Variants in INPP5D observed in about 807,000 individuals in gnomAD.
INPP5D encodes the protein inositol polyphosphate-5-phosphatase D.
INPP5D carries 33 observed loss-of-function variants against 122.9 expected under a neutral mutation model. That is an observed-to-expected ratio of 0.27 (90% confidence interval 0.20 to 0.36). The LOEUF (loss-of-function observed/expected upper bound fraction) is 0.36, where lower values mean the gene tolerates loss of function less well. Among genes scored for constraint, INPP5D ranks in the 10% least tolerant of loss-of-function variants. The pLI is 1.00. For missense variants in INPP5D, 1,053 were observed against 1,412.7 expected, an observed-to-expected ratio of 0.75 and a Z score of 4.08; for synonymous variants, 584 against 576.2, an observed-to-expected ratio of 1.01 and a Z score of -0.19.
intron 20 of INPP5D, among the ~76,000 whole-genome samples, chr2:233,184,865 G>C (rs1694869173): frequency 6.6e-6 from 1 of 152,060 alleles, no homozygotes; most frequent in Admixed American, 6.6e-5. Context: ...GAGAGTGTTG[G>C]GCCCAGGTCC....
chr2:233,104,272 C>A (rs1692405442), intron 2 of INPP5D, among the ~76,000 whole-genome samples: 1 of 152,108 alleles, frequency 6.6e-6, no homozygotes, highest in Non-Finnish European at 1.5e-5. Context: ...TGCCCCATTT[C>A]TTTATCTGTA....
intron 6 of INPP5D, among the ~76,000 whole-genome samples, chr2:233,144,463 G>A (rs1693699065): frequency 6.7e-6 from 1 of 149,334 alleles, no homozygotes; most frequent in East Asian, 2.0e-4. Context: ...TGATGGTGAT[G>A]GTGGAGGTGG....
chr2:233,158,302 T>C lies in INPP5D; in HGVS notation c.1031-11T>C, dbSNP rs1036469363. The C allele has an allele frequency of 4.3e-6, 3 of 697,942 alleles. No individual in the cohort carries two copies. The African/African-American group carries it at 5.3e-5, about 12-fold the overall frequency. The allele number at this position is 697,942 out of a possible 1,614,324, so 43.2% of individuals were successfully genotyped here. On this transcript the variant is annotated splice_polypyrimidine_tract_variant and intron_variant, in intron 9 of 26. Transcript: ENST00000445964. ...TGGATGAATGAATTAATGAATTTCT[T>C]TTCTCTTAAGTCCTGCAGCTCATTA...
At chr2:233,162,182 T>C (rs1694214790) in intron 11 of INPP5D, among the ~76,000 whole-genome samples, 1 of 152,114 alleles carries the variant, frequency 6.6e-6, no homozygotes, top group Non-Finnish European at 1.5e-5. Context: ...GCCCCAGGCC[T>C]GAGAGAAAGA....
At chr2:233,077,168 G>A (rs1691542144) in intron 1 of INPP5D, among the ~76,000 whole-genome samples, 2 of 152,106 alleles carry the variant, frequency 1.3e-5, no homozygotes, top group South Asian at 2.1e-4. Context: ...GGTATACATA[G>A]TATGATATTA....
chr2:233,069,437 A>C (rs1691318282), intron 1 of INPP5D, among the ~76,000 whole-genome samples: 1 of 152,234 alleles, frequency 6.6e-6, no homozygotes, highest in South Asian at 2.1e-4. Flanking sequence ...AGACACTAGA[A>C]TAACCATTGT....
chr2:233,076,212 G>A (rs1251115663), intron 1 of INPP5D: 1 of 152,192 alleles, frequency 6.6e-6, no homozygotes, highest in Non-Finnish European at 1.5e-5. Flanking sequence ...CCTACAGGAG[G>A]AAGTGCCAAG....
Position 233,105,903 on chromosome 2 carries a change from A to G in INPP5D, c.199-16204A>G, listed in dbSNP as rs1033885789. Reference sequence around the variant, plus strand: ...AAGGCCTGCACAGGGGATGAGATGAAGGGACAGTGGCCACTGGGAGGTCAG... The same window carrying G: ...AAGGCCTGCACAGGGGATGAGATGAGGGGACAGTGGCCACTGGGAGGTCAG... On this transcript the variant is annotated intron_variant, in intron 2 of 26. Coordinates refer to ENST00000445964, the MANE Select transcript of INPP5D (RefSeq NM_001017915.3). The surrounding 1 kb of genome is among the most constrained non-coding windows in gnomAD (Gnocchi z 4.0). 9.2e-5 allele frequency among the ~76,000 whole-genome samples: 14 copies of G among 152,126 alleles called. No homozygotes were observed. Among genetic ancestry groups the G allele is most frequent in the Admixed American group, 9.2e-4 (14 of 15,272 alleles).
rs1297671488 is a variant in INPP5D at position 233,164,290 on chromosome 2, C to T, written c.1438-17C>T. 11 of 1,542,814 alleles carry T rather than the reference C, an allele frequency of 7.1e-6. No individual in the cohort carries two copies. The highest frequency in any genetic ancestry group is 4.9e-5 in the East Asian group (2 of 40,952). The stretch of plus-strand genomic sequence containing the variant: ...CCTACACTTGGGCCGAGTATTGCAA[C>T]GTTGTCCTCCCACCAGGTCGCCATC... On this transcript the variant is annotated splice_polypyrimidine_tract_variant and intron_variant, in intron 12 of 26. Coordinates refer to ENST00000445964, the MANE Select transcript of INPP5D (RefSeq NM_001017915.3). The surrounding 1 kb of genome is among the most constrained non-coding windows in gnomAD (Gnocchi z 4.3).
intron 5 of INPP5D, among the ~76,000 whole-genome samples, chr2:233,132,432 A>G (rs1200591694): frequency 6.6e-6 from 1 of 152,148 alleles, no homozygotes; most frequent in Admixed American, 6.5e-5. Flanking sequence ...TCGGGTATGT[A>G]GTGCCGATGG....
chr2:233,071,917 G>A (rs1373505460), intron 1 of INPP5D, among the ~76,000 whole-genome samples: 3 of 152,044 alleles, frequency 2.0e-5, no homozygotes, highest in Non-Finnish European at 4.4e-5. Context: ...TTTCTTGTTT[G>A]ACTCTCATGT....
intron 25 of INPP5D, among the ~76,000 whole-genome samples, chr2:233,200,886 G>A (rs936594229): frequency 3.9e-5 from 6 of 151,926 alleles, no homozygotes; most frequent in Admixed American, 1.3e-4. Context: ...GCTTGAACCC[G>A]GGAGGCGGAG....
At position 233,122,124 on chromosome 2, in the gene INPP5D, C is replaced by T; in HGVS notation, c.216C>T (p.Ser72=). 1 of 1,613,968 alleles carries T rather than the reference C, an allele frequency of 6.2e-7. No individual in the cohort carries two copies. The highest frequency in any genetic ancestry group is 8.5e-7 in the Non-Finnish European group (1 of 1,179,882). Residue 72 remains serine, a synonymous_variant, in exon 3 of 27, where the codon TCC becomes TCT. Transcript: ENST00000445964. Reference sequence around the variant, plus strand: ...GTCCTCAGGCATCCGAAGGCGTCTCCATGAGGTTCTTCACCAAGCTGGACC... The same window carrying T: ...GTCCTCAGGCATCCGAAGGCGTCTCTATGAGGTTCTTCACCAAGCTGGACC... ...KFTVQASEGV[S]MRFFTKLDQL...
chr2:233,108,131 A>G (rs1339263715), intron 2 of INPP5D, among the ~76,000 whole-genome samples: 1 of 151,838 alleles, frequency 6.6e-6, no homozygotes, highest in Non-Finnish European at 1.5e-5. Flanking sequence ...ACACCACCCT[A>G]CCCACCCACT....
At chr2:233,179,121 C>A (rs1487842851) in intron 18 of INPP5D, among the ~76,000 whole-genome samples, 1 of 152,202 alleles carries the variant, frequency 6.6e-6, no homozygotes, top group African/African-American at 2.4e-5. Context: ...GAACTTCACA[C>A]AACACCTTTA....
chr2:233,078,492 G>T lies in INPP5D; in HGVS notation c.135-843G>T, dbSNP rs1189598089. 6.6e-6 allele frequency among the ~76,000 whole-genome samples: 1 copy of T among 152,176 alleles called. No individual in the cohort carries two copies. The highest frequency in any genetic ancestry group is 1.5e-5 in the Non-Finnish European group (1 of 68,030). ...TGGGAGATAATCCACGGGGCATAGT[G>T]TCCAAGAGGATGAAGCCATTTGGGG... On this transcript the variant is annotated intron_variant, in intron 1 of 26. Coordinates refer to ENST00000445964, the MANE Select transcript of INPP5D (RefSeq NM_001017915.3). This position sits in a 1 kb window ranked among gnomAD's most constrained non-coding sequence, Gnocchi z 4.6.
rs1267947140 is a variant in INPP5D at position 233,198,154 on chromosome 2, T to G, written c.2753T>G (p.Val918Gly). 6.2e-6 allele frequency: 10 copies of G among 1,612,782 alleles called. No homozygotes were observed. Among genetic ancestry groups the G allele is most frequent in the Non-Finnish European group, 8.5e-6 (10 of 1,179,800 alleles). ...ATCATCAACCCCAACTACATGGGAGTGGGGCCCTTTGGGCCACCAATGCCC... is the reference window on the plus strand; with the variant it reads ...ATCATCAACCCCAACTACATGGGAGGGGGGCCCTTTGGGCCACCAATGCCC... ...TEIINPNYMG[V>G]GPFGPPMPLH... The change falls in exon 25 of 27, where the codon GTG becomes GGG. Residue 918 changes from valine (V) to glycine (G), a missense_variant. Around this residue, in one of 6 missense-constraint regions of INPP5D, gnomAD observed 417 missense variants for 425.8 expected, o/e 0.98. Transcript: ENST00000445964.
chr2:233,185,371 C>A (rs1014543397), intron 20 of INPP5D, among the ~76,000 whole-genome samples: 8 of 152,078 alleles, frequency 5.3e-5, no homozygotes, highest in South Asian at 2.1e-4. Flanking sequence ...AGGGTCAAAG[C>A]GGTTCGAAAA....
At chr2:233,120,565 T>A (rs1259045694) in intron 2 of INPP5D, 1 of 152,322 alleles carries the variant, frequency 6.6e-6, no homozygotes, top group African/African-American at 2.4e-5. Context: ...CACTTAGCAG[T>A]TGCCAGGGGC....
Sources: gnomAD v4.1 joint callset for allele counts (sites outside exome capture counted in the v4.1 genomes callset) on GRCh38, gnomAD v4.1.1 for gene constraint, gnomAD v4.1.1 regional missense constraint, Gnocchi (gnomAD v3.1) non-coding constraint, MANE v1.5 for transcripts, NCBI Gene and HGNC (gene_info 2026-07-23, HGNC 2026-07-21) for gene names.